Variants in SNTG1 observed in about 807,000 individuals in gnomAD.
The protein encoded by SNTG1 is syntrophin gamma 1.
SNTG1 carries 39 observed loss-of-function variants against 74.7 expected under a neutral mutation model. That is an observed-to-expected ratio of 0.52 (90% CI 0.40 to 0.68). The LOEUF (loss-of-function observed/expected upper bound fraction) is 0.68, where lower values mean the gene tolerates loss of function less well. Among genes scored for constraint, SNTG1 ranks in the 30% least tolerant of loss-of-function variants. The pLI is 0.00. For synonymous variants in SNTG1, 254 were observed against 217.1 expected, an observed-to-expected ratio of 1.17 and a Z score of -1.49; for missense variants, 685 against 609.5, an observed-to-expected ratio of 1.12 and a Z score of -1.30.
intron 13 of SNTG1, among the ~76,000 whole-genome samples, chr8:50,622,362 T>C (rs1052797553): frequency 6.6e-6 from 1 of 152,226 alleles, no homozygotes; most frequent in African/African-American, 2.4e-5. Flanking sequence ...TCAACTTGTA[T>C]AGAAACAGTT....
intron 1 of SNTG1, among the ~76,000 whole-genome samples, chr8:50,137,429 T>G (rs1395429409): frequency 6.6e-6 from 1 of 152,138 alleles, no homozygotes; most frequent in Non-Finnish European, 1.5e-5. Context: ...GTTTATATGG[T>G]GCTTGCTGTG....
intron 1 of SNTG1, among the ~76,000 whole-genome samples, chr8:50,107,609 G>A (rs1420236005): frequency 6.6e-6 from 1 of 151,704 alleles, no homozygotes; most frequent in African/African-American, 2.4e-5. Context: ...GGAGTGGAGT[G>A]GCATGATCTT....
At position 50,382,658 on chromosome 8, in the gene SNTG1, G is replaced by T. The variant is rs140330688; in HGVS notation, c.-27-11554G>T. Among the ~76,000 whole-genome samples the T allele has an allele frequency of 2.0e-5, 3 of 152,080 alleles. No individual in the cohort carries two copies. The East Asian group carries it at 5.8e-4, about 29-fold the overall frequency. On this transcript the variant is annotated intron_variant, in intron 2 of 18. Coordinates refer to ENST00000642720, the MANE Select transcript of SNTG1 (RefSeq NM_018967.5). Reference sequence around the variant, plus strand: ...TCAATATTTCAATTTTTTTAAAAAAGAAATATGCTCTTTTAGTCAATTATT... The same window carrying T: ...TCAATATTTCAATTTTTTTAAAAAATAAATATGCTCTTTTAGTCAATTATT...
At chr8:49,991,090 A>T (rs1813640137) in intron 1 of SNTG1, among the ~76,000 whole-genome samples, 1 of 152,192 alleles carries the variant, frequency 6.6e-6, no homozygotes, top group Non-Finnish European at 1.5e-5. Flanking sequence ...TTTACAACTC[A>T]ATAATAAAAA....
intron 1 of SNTG1, among the ~76,000 whole-genome samples, chr8:49,999,287 C>T (rs953024896): frequency 1.3e-5 from 2 of 152,152 alleles, no homozygotes; most frequent in Non-Finnish European, 2.9e-5. Context: ...CTCTTTTTCT[C>T]CCTCTACATT....
At chr8:49,999,101 C>T (rs1048410570) in intron 1 of SNTG1, among the ~76,000 whole-genome samples, 14 of 152,200 alleles carry the variant, frequency 9.2e-5, no homozygotes, top group Non-Finnish European at 1.6e-4. Context: ...TTTCTTTAAC[C>T]GAACCATCAT....
chr8:50,552,981 A>G (rs2094435729), intron 11 of SNTG1, 69 bp from the exon 12 acceptor site: 9 of 1,571,390 alleles, frequency 5.7e-6, no homozygotes, highest in Non-Finnish European at 7.8e-6. Flanking sequence ...TTTTCAACAG[A>G]TACTATTACG....
chr8:50,774,783 T>G (rs1002255404), intron 18 of SNTG1, among the ~76,000 whole-genome samples: 3 of 151,606 alleles, frequency 2.0e-5, no homozygotes, highest in Admixed American at 6.6e-5. Context: ...TATATAAAGA[T>G]GTAAAGTGTA....
intron 1 of SNTG1, among the ~76,000 whole-genome samples, chr8:50,119,471 T>A (rs929874686): frequency 7.1e-6 from 1 of 141,662 alleles, no homozygotes; most frequent in Non-Finnish European, 1.6e-5. Context: ...AGAAAAGTTA[T>A]GTTGCAATTC....
intron 2 of SNTG1, among the ~76,000 whole-genome samples, chr8:50,329,832 C>T (rs952017852): frequency 2.6e-5 from 4 of 151,898 alleles, no homozygotes; most frequent in South Asian, 2.1e-4. Flanking sequence ...TCTATTGCAT[C>T]GTCAGGTTGC....
chr8:50,072,327 G>A (rs944313500), intron 1 of SNTG1, among the ~76,000 whole-genome samples: 1 of 152,112 alleles, frequency 6.6e-6, no homozygotes, highest in African/African-American at 2.4e-5. Context: ...TATCCAATAA[G>A]TAATATTATT....
intron 1 of SNTG1, among the ~76,000 whole-genome samples, chr8:50,016,907 G>T (rs544390601): frequency 6.6e-6 from 1 of 151,986 alleles, no homozygotes; most frequent in Non-Finnish European, 1.5e-5. Context: ...CTGACTTCAC[G>T]TCAGAAACCA....
intron 8 of SNTG1, among the ~76,000 whole-genome samples, chr8:50,458,725 T>C (rs1587696281): frequency 6.6e-6 from 1 of 151,962 alleles, no homozygotes; most frequent in Non-Finnish European, 1.5e-5. Flanking sequence ...GTATTGAACA[T>C]TTTTTCTTGT....
chr8:50,661,407 A>G (rs1334669414), intron 15 of SNTG1, among the ~76,000 whole-genome samples: 1 of 152,194 alleles, frequency 6.6e-6, no homozygotes, highest in Admixed American at 6.6e-5. Context: ...CCTACAAGTC[A>G]TCTTAACTTA....
intron 1 of SNTG1, among the ~76,000 whole-genome samples, chr8:50,100,204 TA>T (rs1178240270): frequency 7.9e-5 from 12 of 152,064 alleles, no homozygotes; most frequent in African/African-American, 2.9e-4. Flanking sequence ...ATGCAGAAGC[TA>T]AAAAAAGTTG....
intron 9 of SNTG1, among the ~76,000 whole-genome samples, chr8:50,518,775 T>G (rs1052973582): frequency 2.6e-5 from 4 of 152,148 alleles, no homozygotes; most frequent in Non-Finnish European, 5.9e-5. Flanking sequence ...AATCCTTGAA[T>G]AGGCCAATAA....
In SNTG1 at chr8:50,293,504, G is replaced by C. The variant is rs146474131; in HGVS notation, c.-27-100708G>C. On this transcript the variant is annotated intron_variant, in intron 2 of 18. Transcript: ENST00000642720. ...AGCTCACTGCAACCTCTGCCTCCTG[G>C]GTTCAAGAGATTCTCATGCCTCAGC... Among the ~76,000 whole-genome samples the C allele has an allele frequency of 3.0e-3, 450 of 151,630 alleles. 2 individuals are homozygous for C. Among genetic ancestry groups the C allele is most frequent in the African/African-American group, 0.01 (428 of 41,318 alleles).
intron 2 of SNTG1, among the ~76,000 whole-genome samples, chr8:50,339,123 G>T (rs2091241175): frequency 1.3e-5 from 2 of 151,944 alleles, no homozygotes; most frequent in Admixed American, 6.6e-5. Flanking sequence ...ATGCAAAGAA[G>T]AAACAAGTGG....
intron 17 of SNTG1, among the ~76,000 whole-genome samples, chr8:50,724,099 T>C (rs1725624505): frequency 6.6e-6 from 1 of 152,202 alleles, no homozygotes; most frequent in Non-Finnish European, 1.5e-5. Flanking sequence ...GTTTACTTTA[T>C]CAAAAGCTTT....
Sources: allele counts gnomAD v4.1 joint callset (sites outside exome capture counted in the v4.1 genomes callset), GRCh38; gene constraint gnomAD v4.1.1; transcripts MANE v1.5; gene names NCBI Gene and HGNC (gene_info 2026-07-23, HGNC 2026-07-21).